WDR44: variants seen among roughly 807,000 people sequenced by gnomAD.
The protein encoded by WDR44 is WD repeat-containing protein 44.
In WDR44, 9 loss-of-function variants were observed where a neutral mutation model predicts 65.7. The observed-to-expected ratio is 0.14, with a 90% confidence interval of 0.08 to 0.24. WDR44 has a LOEUF of 0.24. Ranked by LOEUF, WDR44 falls within the 10% of genes least tolerant of loss-of-function variation. The pLI is 1.00. For missense variants in WDR44, 425 were observed against 670.9 expected (o/e 0.63, Z 4.05); for synonymous variants, 220 against 235.2 (o/e 0.94, Z 0.59).
chrX:118,401,490 G>A (rs1215544977), intron 8 of WDR44, among the ~76,000 whole-genome samples: 2 of 83,995 alleles, frequency 2.4e-5, no homozygotes, highest in Non-Finnish European at 4.3e-5. Flanking sequence ...GTCTGTTCAT[G>A]TCCTTCGCCC....
chrX:118,401,614 G>T (rs1348671928), intron 8 of WDR44, among the ~76,000 whole-genome samples: 114 of 85,776 alleles, frequency 1.3e-3, no homozygotes, highest in African/African-American at 5.1e-3. Flanking sequence ...CTCCCATTTT[G>T]TAGGTTGCCT....
intron 12 of WDR44, among the ~76,000 whole-genome samples, chrX:118,420,308 G>A (rs772783308): frequency 6.3e-5 from 7 of 110,993 alleles, no homozygotes; most frequent in African/African-American, 2.3e-4. Context: ...CTGGAGTGCA[G>A]TGGCATGATC....
At chrX:118,401,521 G>GT (rs1366336924) in intron 8 of WDR44, among the ~76,000 whole-genome samples, 1 of 86,902 alleles carries the variant, frequency 1.2e-5, no homozygotes, top group Non-Finnish European at 2.1e-5. Flanking sequence ...GGGGTTGTTT[G>GT]TTTTTTTCTT....
chrX:118,421,633 A>AGCATCT (rs1403260410), intron 12 of WDR44, among the ~76,000 whole-genome samples: 2 of 111,580 alleles, frequency 1.8e-5, no homozygotes, highest in Non-Finnish European at 3.8e-5. Context: ...CTTTTGTCTT[A>AGCATCT]GCATCTGTGT....
At chrX:118,382,057 T>G (rs1200808905) in intron 2 of WDR44, among the ~76,000 whole-genome samples, 2 of 111,160 alleles carry the variant, frequency 1.8e-5, no homozygotes, top group East Asian at 2.8e-4. Context: ...TTTTTAGAGA[T>G]AGGGTCTTGC....
Position 118,393,125 on chromosome X carries a change from G to C in WDR44, c.680G>C (p.Ser227Thr). Residue 227 changes from serine (S) to threonine (T), a missense_variant, in exon 4 of 20, where the codon AGT becomes ACT. This residue lies in a region of WDR44 where 193 missense variants were observed against 209.0 expected (regional missense o/e 0.92). Transcript: ENST00000254029. The part of the protein sequence containing the change: ...HLTPEPDIVA[S>T]TKKPVPARPP... ...ACTCCAGAGCCTGATATAGTGGCTA[G>C]TACAAAGAAGCCTGTTCCAGCACGC... 1 of 1,211,188 alleles carries C rather than the reference G, an allele frequency of 8.3e-7. No homozygotes were observed. Among genetic ancestry groups the C allele is most frequent in the Non-Finnish European group, 1.1e-6 (1 of 895,499 alleles).
Position 118,386,211 on chromosome X carries a change from C to T in WDR44, c.112-1129C>T, listed in dbSNP as rs185620751. Among the ~76,000 whole-genome samples, 226 of 111,460 alleles carry T rather than the reference C, an allele frequency of 2.0e-3. 2 individuals carry two copies. Among genetic ancestry groups the T allele is most frequent in the Non-Finnish European group, 2.2e-3 (115 of 53,150 alleles). On this transcript the variant is annotated intron_variant, in intron 2 of 19. Transcript: ENST00000254029. Reference sequence around the variant, plus strand: ...GTTATAATGACCTTCCTCTAACAAACTCTGTGATGTGCACAAAGAATTATG... The same window carrying T: ...GTTATAATGACCTTCCTCTAACAAATTCTGTGATGTGCACAAAGAATTATG...
chrX:118,357,187 A>T (rs1198582178), intron 1 of WDR44, among the ~76,000 whole-genome samples: 2 of 111,558 alleles, frequency 1.8e-5, no homozygotes, highest in Non-Finnish European at 3.8e-5. Flanking sequence ...TACATAAAGC[A>T]TAGAAATTAA....
chrX:118,422,154 G>A (rs1444422965), intron 12 of WDR44, among the ~76,000 whole-genome samples: 1 of 110,261 alleles, frequency 9.1e-6, no homozygotes, highest in Admixed American at 9.7e-5. Flanking sequence ...AGCACTTTGG[G>A]AGGCCCAGGC....
chrX:118,419,540 G>GGTCC lies in WDR44; in HGVS notation c.1737+8582_1737+8585dup, dbSNP rs781002637. On this transcript the variant is annotated intron_variant, in intron 12 of 19. Coordinates refer to ENST00000254029, the MANE Select transcript of WDR44 (RefSeq NM_019045.5). ...CTCACAGTATTCGGGGTGTCTCCTG[G>GGTCC]GTCCTGCAGGAGCATTCTGCTTCCT... Among the ~76,000 whole-genome samples the GGTCC allele has an allele frequency of 2.7e-5, 3 of 111,653 alleles. No homozygotes were observed. The East Asian group carries it at 8.5e-4, about 32-fold the overall frequency.
intron 12 of WDR44, among the ~76,000 whole-genome samples, chrX:118,419,854 A>G (rs2057089581): frequency 8.9e-6 from 1 of 112,056 alleles, no homozygotes; most frequent in African/African-American, 3.2e-5. Flanking sequence ...TTAAACTCAA[A>G]TCTGTCATCT....
At chrX:118,430,002 A>C (rs1265825998) in intron 12 of WDR44, among the ~76,000 whole-genome samples, 1 of 111,546 alleles carries the variant, frequency 9.0e-6, no homozygotes, top group East Asian at 2.8e-4. Flanking sequence ...CAAAGGAAGA[A>C]TGATTAATCG....
intron 6 of WDR44, among the ~76,000 whole-genome samples, chrX:118,396,349 T>C (rs1355705772): frequency 8.9e-6 from 1 of 112,002 alleles, no homozygotes; most frequent in African/African-American, 3.2e-5. Context: ...CAAAAAAATG[T>C]ACACAAATAT....
At chrX:118,364,658 A>G (rs1220179976) in intron 1 of WDR44, among the ~76,000 whole-genome samples, 1 of 112,230 alleles carries the variant, frequency 8.9e-6, no homozygotes, top group Non-Finnish European at 1.9e-5. Flanking sequence ...CAGCTCCTTC[A>G]TTTTACAGGT....
intron 1 of WDR44, among the ~76,000 whole-genome samples, chrX:118,374,200 T>C (rs6646179): frequency 0.16 from 17,144 of 109,918 alleles, 2,490 homozygotes; most frequent in African/African-American, 0.44. Context: ...TTTATTATTT[T>C]TACAAGGCCC....
intron 2 of WDR44, among the ~76,000 whole-genome samples, chrX:118,382,014 A>G (rs1187618924): frequency 9.1e-6 from 1 of 109,724 alleles, no homozygotes; most frequent in Non-Finnish European, 1.9e-5. Flanking sequence ...ACAGACTCAA[A>G]CCCCACACCC....
chrX:118,352,332 ATATATATATATATATATATATTTTTT>A (rs1470473093), intron 1 of WDR44, among the ~76,000 whole-genome samples: 2 of 15,188 alleles, frequency 1.3e-4, no homozygotes, highest in African/African-American at 1.2e-3. Flanking sequence ...ATATATATAT[ATATATATATATATATATATATTTTTT>A]TTTTTTTTTT....
chrX:118,409,393 G>A, intron 10 of WDR44, 96 bp from the exon 11 acceptor site: 2 of 963,054 alleles, frequency 2.1e-6, no homozygotes, highest in South Asian at 4.5e-5. Flanking sequence ...GCCTCCCAAA[G>A]TGCTGAGATT....
chrX:118,409,696 A>G, intron 11 of WDR44, 69 bp downstream of exon 11: 1 of 1,032,709 alleles, frequency 9.7e-7, no homozygotes, highest in African/African-American at 1.9e-5. Context: ...CTGATGCCCT[A>G]CTTTTCTGGC....
Sources: gnomAD v4.1 joint callset for allele counts (sites outside exome capture counted in the v4.1 genomes callset) on GRCh38, gnomAD v4.1.1 for gene constraint, gnomAD v4.1.1 regional missense constraint, MANE v1.5 for transcripts, NCBI Gene and HGNC (gene_info 2026-07-23, HGNC 2026-07-21) for gene names.